The following DAB1 variants were observed in gnomAD, a reference collection of about 807,000 sequenced individuals.
DAB1 encodes disabled homolog 1.
A neutral mutation model predicts 64.6 loss-of-function variants in DAB1; 15 were observed. That is an observed-to-expected ratio of 0.23 (90% CI 0.16 to 0.36). The LOEUF (loss-of-function observed/expected upper bound fraction) is 0.36, where lower values mean the gene tolerates loss of function less well. DAB1 is among the 10% of genes least tolerant of loss of function. The pLI is 1.00. For missense variants in DAB1, 596 were observed against 706.7 expected (o/e 0.84, Z 1.78); for synonymous variants, 235 against 251.9 (o/e 0.93, Z 0.64).
chr1:58,026,650 T>C (rs900335078), intron 5 of DAB1, among the ~76,000 whole-genome samples: 1 of 152,212 alleles, frequency 6.6e-6, no homozygotes, highest in African/African-American at 2.4e-5. Context: ...AGCTAACTTA[T>C]CTTGTGGGCC....
intron 2 of DAB1, among the ~76,000 whole-genome samples, chr1:57,253,692 T>C (rs1026391132): frequency 7.9e-5 from 12 of 152,300 alleles, no homozygotes; most frequent in African/African-American, 2.9e-4. Flanking sequence ...TTTCTTGGTA[T>C]GGTTAGTGTA....
chr1:58,509,312 G>A (rs985218552), intron 2 of DAB1, among the ~76,000 whole-genome samples: 2 of 151,632 alleles, frequency 1.3e-5, no homozygotes, highest in Admixed American at 6.6e-5. Flanking sequence ...CGAACAAAGT[G>A]AGAATTTCAA....
At chr1:57,142,027 A>T (rs766143570) in intron 3 of DAB1, among the ~76,000 whole-genome samples, 2 of 152,198 alleles carry the variant, frequency 1.3e-5, no homozygotes, top group Admixed American at 6.5e-5. Context: ...GGAAGCTAAT[A>T]TGTATCTCAT....
At chr1:57,810,657 A>G (rs1373737643) in intron 6 of DAB1, among the ~76,000 whole-genome samples, 1 of 152,122 alleles carries the variant, frequency 6.6e-6, no homozygotes, top group Non-Finnish European at 1.5e-5. Flanking sequence ...CCCTCCAAAA[A>G]GCATTCACCA....
chr1:57,983,057 G>A (rs769596563), intron 5 of DAB1, among the ~76,000 whole-genome samples: 1 of 152,208 alleles, frequency 6.6e-6, no homozygotes, highest in African/African-American at 2.4e-5. Flanking sequence ...TGCTCTTACA[G>A]TGTACGGTGA....
chr1:57,185,714 A>C (rs536730826), intron 2 of DAB1, among the ~76,000 whole-genome samples: 22 of 152,310 alleles, frequency 1.4e-4, no homozygotes, highest in African/African-American at 5.3e-4. Flanking sequence ...CTGTCTCCGA[A>C]GTAAGAAATT....
At chr1:57,706,931 G>A (rs1272545884) in intron 6 of DAB1, among the ~76,000 whole-genome samples, 7 of 151,922 alleles carry the variant, frequency 4.6e-5, no homozygotes, top group South Asian at 4.2e-4. Flanking sequence ...AAAATTAGCC[G>A]GGCGTGGTGG....
At chr1:58,211,125 G>A (rs1020881709) in intron 4 of DAB1, among the ~76,000 whole-genome samples, 1 of 152,086 alleles carries the variant, frequency 6.6e-6, no homozygotes, top group South Asian at 2.1e-4. Flanking sequence ...AGAGTGTCAT[G>A]AACCATGGTA....
chr1:57,576,923 G>A (rs1376624684), intron 7 of DAB1, among the ~76,000 whole-genome samples: 1 of 152,140 alleles, frequency 6.6e-6, no homozygotes, highest in Non-Finnish European at 1.5e-5. Context: ...CACCCTGCAG[G>A]CTTATCTACT....
At chr1:58,343,128 G>T (rs1643958518) in intron 4 of DAB1, among the ~76,000 whole-genome samples, 1 of 152,116 alleles carries the variant, frequency 6.6e-6, no homozygotes, top group Non-Finnish European at 1.5e-5. Flanking sequence ...CCACAGGTCT[G>T]CAGGTCTATA....
chr1:57,817,211 CA>C (rs1485638016), intron 6 of DAB1, among the ~76,000 whole-genome samples: 1 of 152,110 alleles, frequency 6.6e-6, no homozygotes, highest in East Asian at 1.9e-4. Context: ...TTGTGATTGG[CA>C]GAGAGCAATA....
At chr1:57,929,935 T>G (rs1644931891) in intron 5 of DAB1, among the ~76,000 whole-genome samples, 1 of 152,196 alleles carries the variant, frequency 6.6e-6, no homozygotes, top group African/African-American at 2.4e-5. Context: ...CCAGGTGCCC[T>G]TCCCAATATT....
intron 6 of DAB1, among the ~76,000 whole-genome samples, chr1:57,806,118 G>T (rs933029453): frequency 2.0e-5 from 3 of 152,110 alleles, no homozygotes; most frequent in Non-Finnish European, 4.4e-5. Context: ...TCTGGGCCCC[G>T]TTATCTCTGT....
intron 5 of DAB1, among the ~76,000 whole-genome samples, chr1:58,006,160 C>T (rs976725821): frequency 3.9e-5 from 6 of 152,146 alleles, no homozygotes; most frequent in Admixed American, 2.0e-4. Context: ...TAGTTCAGTG[C>T]CTGGCATCCA....
chr1:57,440,509 C>T (rs1685900446), intron 7 of DAB1, among the ~76,000 whole-genome samples: 1 of 150,636 alleles, frequency 6.6e-6, no homozygotes, highest in Non-Finnish European at 1.5e-5. Context: ...TAAGTGGTGA[C>T]TGAGCAAAGA....
intron 4 of DAB1, among the ~76,000 whole-genome samples, chr1:58,177,925 AAG>A (rs1022593502): frequency 7.9e-5 from 12 of 152,142 alleles, no homozygotes; most frequent in African/African-American, 2.9e-4. Flanking sequence ...GACATAAAAG[AAG>A]AGTGATTCTC....
At chr1:58,524,579 G>A (rs945206626) in intron 2 of DAB1, among the ~76,000 whole-genome samples, 1 of 152,222 alleles carries the variant, frequency 6.6e-6, no homozygotes, top group Non-Finnish European at 1.5e-5. Context: ...ATGCTTGCTG[G>A]TAGAGTTGCA....
intron 6 of DAB1, among the ~76,000 whole-genome samples, chr1:57,716,198 G>A (rs577509954): frequency 6.6e-6 from 1 of 152,124 alleles, no homozygotes; most frequent in Non-Finnish European, 1.5e-5. Context: ...GTAAGCCACC[G>A]CGCCCAGCCC....
chr1:57,007,400 G>A (rs1320914106), intron 14 of DAB1, among the ~76,000 whole-genome samples: 1 of 152,136 alleles, frequency 6.6e-6, no homozygotes, highest in Non-Finnish European at 1.5e-5. Context: ...CATCAGTGAA[G>A]TATAAATTAC....
Sources: allele counts gnomAD v4.1 joint callset (sites outside exome capture counted in the v4.1 genomes callset), GRCh38; gene constraint gnomAD v4.1.1; transcripts MANE v1.5; gene names NCBI Gene and HGNC (gene_info 2026-07-23, HGNC 2026-07-21).